The following ZNF132 variants were observed in gnomAD, a reference collection of about 807,000 sequenced individuals.
The protein encoded by ZNF132 is zinc finger protein 132.
A neutral mutation model predicts 9.3 loss-of-function variants in ZNF132; 6 were observed. The ratio of observed to expected loss-of-function variants is 0.65; its 90% confidence interval spans 0.35 to 1.28. The LOEUF (loss-of-function observed/expected upper bound fraction) is 1.28. Among genes scored for constraint, ZNF132 ranks in the 50% most tolerant of loss-of-function variants. The pLI is 0.03. For synonymous variants in ZNF132, 296 were observed against 292.0 expected, an observed-to-expected ratio of 1.01 and a Z score of -0.14; for missense variants, 877 against 843.2, an observed-to-expected ratio of 1.04 and a Z score of -0.50.
In ZNF132 at chr19:58,434,573, G is replaced by T. The variant is rs558481863; in HGVS notation, c.871C>A (p.His291Asn). Reference sequence around the variant, plus strand: ...GCCTTCCCACACTCCTTACACACATGGGGTATTTCCCCAGTGTGAAACTTT... The same window carrying T: ...GCCTTCCCACACTCCTTACACACATTGGGTATTTCCCCAGTGTGAAACTTT... ...NKKFHTGEIP[H>N]VCKECGKAFS... The change falls in exon 3 of 3, where the codon CAT becomes AAT. Residue 291 changes from histidine (H) to asparagine (N), a missense_variant. His to Asn is a moderately conservative substitution (Grantham distance 68). Transcript: ENST00000254166. 3.2e-5 allele frequency: 51 copies of T among 1,614,066 alleles called. No homozygotes were observed. The South Asian group carries it at 4.3e-4, about 14-fold the overall frequency.
Position 58,433,750 on chromosome 19 carries a change from T to G in ZNF132, c.1694A>C (p.His565Pro). The change falls in exon 3 of 3, where the codon CAC becomes CCC. Residue 565 changes from histidine (H) to proline (P), a missense_variant. Transcript: ENST00000254166. Reference protein sequence around the residue: ...SSTLIEHWRVHTKERPYECNE... With the variant: ...SSTLIEHWRVPTKERPYECNE... ...GCACTCATAAGGCCTTTCTTTTGTG[T>G]GAACTCTCCAGTGTTCAATGAGAGT... 1 of 1,614,112 alleles carries G rather than the reference T, an allele frequency of 6.2e-7. No individual in the cohort carries two copies. Among genetic ancestry groups the G allele is most frequent in the Non-Finnish European group, 8.5e-7 (1 of 1,179,950 alleles).
chr19:58,434,975 G>T lies in ZNF132; in HGVS notation c.469C>A (p.Leu157Ile). ...CGRDFWLNAN[L>I]HQHQKEHSGG... ...CTGTGCTCCTTCTGGTGCTGGTGAA[G>T]GTTTGCATTCAACCAAAAGTCTCTC... The change falls in exon 3 of 3, where the codon CTT becomes ATT. Residue 157 changes from leucine to isoleucine, a missense_variant. By Grantham distance (5) the Leu-to-Ile change is conservative. Coordinates refer to ENST00000254166, the MANE Select transcript of ZNF132 (RefSeq NM_003433.4). 1 of 1,614,162 alleles carries T rather than the reference G, an allele frequency of 6.2e-7. No individual in the cohort carries two copies. Among genetic ancestry groups the T allele is most frequent in the Non-Finnish European group, 8.5e-7 (1 of 1,180,028 alleles).
chr19:58,434,113 G>A lies in ZNF132; in HGVS notation c.1331C>T (p.Ser444Phe), dbSNP rs754293995. 1 of 1,614,020 alleles carries A rather than the reference G, an allele frequency of 6.2e-7. No individual in the cohort carries two copies. Among genetic ancestry groups the A allele is most frequent in the Non-Finnish European group, 8.5e-7 (1 of 1,180,000 alleles). ...AACTTTCTGGTGCTGAGCAAGGTTGGAGTTATTGTTAAAAGCTCTTCCACA... is the reference window on the plus strand; with the variant it reads ...AACTTTCTGGTGCTGAGCAAGGTTGAAGTTATTGTTAAAAGCTCTTCCACA... ...SECGRAFNNN[S>F]NLAQHQKVHT... Residue 444 changes from serine (S) to phenylalanine (F), a missense_variant, in exon 3 of 3, where the codon TCC (serine) becomes TTC (phenylalanine). Physicochemically the swap from Ser to Phe is radical, Grantham distance 155. Coordinates refer to ENST00000254166, the MANE Select transcript of ZNF132 (RefSeq NM_003433.4).
chr19:58,436,496 C>T (rs531001912), intron 2 of ZNF132, among the ~76,000 whole-genome samples: 19 of 151,874 alleles, frequency 1.3e-4, no homozygotes, highest in African/African-American at 4.3e-4. Flanking sequence ...GAAACCCCCT[C>T]TCTACTGAAA....
chr19:58,438,537 G>A (rs890040547), intron 1 of ZNF132, among the ~76,000 whole-genome samples: 3 of 148,364 alleles, frequency 2.0e-5, no homozygotes, highest in East Asian at 3.9e-4. Flanking sequence ...GCAGTGGCGC[G>A]ATCTTGGCTC....
rs148123600 is a variant in ZNF132 at position 58,437,163 on chromosome 19, G to T, written c.116C>A (p.Thr39Asn). 5.0e-6 allele frequency: 8 copies of T among 1,613,748 alleles called. No individual in the cohort carries two copies. The South Asian group carries it at 6.6e-5, about 13-fold the overall frequency. ...GAAGTATACAGCCACATCTTCAAAGGTTACCATGCTCTTCAATGTGGGGAC... is the reference window on the plus strand; with the variant it reads ...GAAGTATACAGCCACATCTTCAAAGTTTACCATGCTCTTCAATGTGGGGAC... The part of the protein sequence containing the change: ...SAVPTLKSMV[T>N]FEDVAVYFSQ... Residue 39 changes from threonine to asparagine, a missense_variant, in exon 2 of 3, where the codon ACC becomes AAC. Transcript: ENST00000254166.
At chr19:58,439,368 C>T (rs564465938) in intron 1 of ZNF132, among the ~76,000 whole-genome samples, 2 of 152,332 alleles carry the variant, frequency 1.3e-5, no homozygotes, top group East Asian at 3.9e-4. Flanking sequence ...CCACCACCAT[C>T]AGAATAGAGG....
Position 58,433,493 on chromosome 19 carries a change from G to A in ZNF132, c.1951C>T (p.Gln651Ter), listed in dbSNP as rs375255608. The A allele has an allele frequency of 3.7e-6, 6 of 1,613,834 alleles. No individual in the cohort carries two copies. The African/African-American group carries it at 8.0e-5, about 22-fold the overall frequency. ...HLVRHQRVHT[Q>*]ERPYECIQCG... ...TGGATGCACTCATAGGGCCTTTCTT[G>A]TGTGTGAACTCTCTGATGACGAACC... The change falls in exon 3 of 3, where the codon CAA (glutamine) becomes TAA (stop). Residue 651 changes from glutamine (Q) to a stop codon, truncating the protein, a stop_gained. Transcript: ENST00000254166. LOFTEE classifies it low-confidence loss of function (END_TRUNC).
Position 58,437,179 on chromosome 19 carries a change from A to T in ZNF132, c.100T>A (p.Leu34Met). Residue 34 changes from leucine to methionine, a missense_variant, in exon 2 of 3, where the codon TTG (leucine) becomes ATG (methionine). Coordinates refer to ENST00000254166, the MANE Select transcript of ZNF132 (RefSeq NM_003433.4). ...TCTTCAAAGGTTACCATGCTCTTCA[A>T]TGTGGGGACAGCTGAGCCACAGGGC... Reference protein sequence around the residue: ...SWPCGSAVPTLKSMVTFEDVA... With the variant: ...SWPCGSAVPTMKSMVTFEDVA... The T allele has an allele frequency of 1.2e-6, 2 of 1,611,360 alleles. No individual in the cohort carries two copies. Among genetic ancestry groups the T allele is most frequent in the Non-Finnish European group, 1.7e-6 (2 of 1,178,868 alleles).
At position 58,440,149 on chromosome 19, in the gene ZNF132, G is replaced by T. The variant is rs2052795154; in HGVS notation, c.-328C>A. On this transcript the variant is annotated 5_prime_UTR_variant, in exon 1 of 3. Coordinates refer to ENST00000254166, the MANE Select transcript of ZNF132 (RefSeq NM_003433.4). ...ACCCACCAGCAGCAAAATGAGGACC[G>T]CAATGGCGGCGCCGGAAGTCCCGCC... 2.6e-6 allele frequency: 1 copy of T among 377,696 alleles called. No individual in the cohort carries two copies. The highest frequency in any genetic ancestry group is 2.2e-5 in the African/African-American group (1 of 45,960). The allele number at this position is 377,696 out of a possible 1,614,324, so 23.4% of individuals were successfully genotyped here.
intron 1 of ZNF132, among the ~76,000 whole-genome samples, chr19:58,438,497 A>G (rs1404762981): frequency 7.0e-5 from 10 of 142,598 alleles, no homozygotes; most frequent in Admixed American, 4.9e-4. Flanking sequence ...TTTTTGAGAC[A>G]GAGTCTCGCT....
At chr19:58,439,623 G>T in intron 1 of ZNF132, 136 bp downstream of exon 1, 2 of 893,984 alleles carry the variant, frequency 2.2e-6, no homozygotes, top group Non-Finnish European at 3.2e-6. Context: ...TGACTCCCAG[G>T]GCAGGGCCCA....
rs1823173554 is a variant in ZNF132, at chr19:58,433,390, C to T, written c.2054G>A (p.Cys685Tyr). The part of the protein sequence containing the change: ...KVHTRERTYE[C>Y]SQCGKLFSHL... ...GCTGAAGAGTTTCCCACACTGGCTA[C>T]ACTCATAAGTCCTTTCTCTGGTGTG... The change falls in exon 3 of 3, where the codon TGT becomes TAT. Residue 685 changes from cysteine to tyrosine, a missense_variant. Cys to Tyr is a radical substitution (Grantham distance 194). Coordinates refer to ENST00000254166, the MANE Select transcript of ZNF132 (RefSeq NM_003433.4). The T allele has an allele frequency of 6.2e-7, 1 of 1,614,232 alleles. No individual in the cohort carries two copies. The highest frequency in any genetic ancestry group is 1.1e-5 in the South Asian group (1 of 91,090).
rs755489608 is a variant in ZNF132, at chr19:58,434,480, T to G, written c.964A>C (p.Ile322Leu). The change falls in exon 3 of 3, where the codon ATT becomes CTT. Residue 322 changes from isoleucine (I) to leucine (L), a missense_variant. Coordinates refer to ENST00000254166, the MANE Select transcript of ZNF132 (RefSeq NM_003433.4). Reference protein sequence around the residue: ...FHTEVKYYECIACGKTFNHKL... With the variant: ...FHTEVKYYECLACGKTFNHKL... ...TGGTTGAAGGTTTTCCCACATGCAA[T>G]GCACTCATAATATTTTACTTCAGTG... 1.2e-6 allele frequency: 2 copies of G among 1,614,152 alleles called. No homozygotes were observed. Among genetic ancestry groups the G allele is most frequent in the Non-Finnish European group, 1.7e-6 (2 of 1,180,058 alleles).
In ZNF132 at chr19:58,434,976, G is replaced by A. The variant is rs546729997; in HGVS notation, c.468C>T (p.Asn156=). 2 of 1,614,184 alleles carry A rather than the reference G, an allele frequency of 1.2e-6. No individual in the cohort carries two copies. Among genetic ancestry groups the A allele is most frequent in the Admixed American group, 1.7e-5 (1 of 60,020 alleles). Residue 156 remains asparagine, a synonymous_variant, in exon 3 of 3, where the codon AAC becomes AAT. Transcript: ENST00000254166. ...TGTGCTCCTTCTGGTGCTGGTGAAG[G>A]TTTGCATTCAACCAAAAGTCTCTCC... The part of the protein sequence containing the change: ...ACGRDFWLNA[N]LHQHQKEHSG...
Position 58,434,485 on chromosome 19 carries a change from T to G in ZNF132, c.959A>C (p.Glu320Ala). ...GAAGGTTTTCCCACATGCAATGCACTCATAATATTTTACTTCAGTGTGAAA... is the reference window on the plus strand; with the variant it reads ...GAAGGTTTTCCCACATGCAATGCACGCATAATATTTTACTTCAGTGTGAAA... ...QKFHTEVKYYECIACGKTFNH... is the reference protein window; with the variant it reads ...QKFHTEVKYYACIACGKTFNH... Residue 320 changes from glutamate to alanine, a missense_variant, in exon 3 of 3, where the codon GAG (glutamate) becomes GCG (alanine). Transcript: ENST00000254166. 5.6e-6 allele frequency: 9 copies of G among 1,614,256 alleles called. No homozygotes were observed. Among genetic ancestry groups the G allele is most frequent in the Non-Finnish European group, 7.6e-6 (9 of 1,180,054 alleles).
intron 1 of ZNF132, chr19:58,437,679 C>T (rs4801588): frequency 0.25 from 244,116 of 979,990 alleles, 31,319 homozygotes; most frequent in Non-Finnish European, 0.26. Context: ...CCTCCCTGTT[C>T]ACACTGTAGG....
intron 1 of ZNF132, among the ~76,000 whole-genome samples, chr19:58,439,490 A>C (rs2052790191): frequency 6.6e-6 from 1 of 152,168 alleles, no homozygotes; most frequent in Admixed American, 6.5e-5. Context: ...CATCACCACT[A>C]AACAAGGTAC....
intron 1 of ZNF132, among the ~76,000 whole-genome samples, chr19:58,438,860 T>G (rs1031109935): frequency 3.9e-5 from 6 of 151,908 alleles, no homozygotes; most frequent in African/African-American, 1.5e-4. Context: ...AACCTCCATC[T>G]CCCAGATTCA....
Sources: allele counts gnomAD v4.1 joint callset (sites outside exome capture counted in the v4.1 genomes callset), GRCh38; gene constraint gnomAD v4.1.1; transcripts MANE v1.5; gene names NCBI Gene and HGNC (gene_info 2026-07-23, HGNC 2026-07-21).